Variants in BCL2 observed in about 807,000 individuals in gnomAD.
BCL2 encodes apoptosis regulator Bcl-2.
Under a neutral mutation model 14.2 loss-of-function variants are expected in BCL2, and 1 was observed. The observed-to-expected ratio is 0.07, with a 90% CI of 0.02 to 0.33. The LOEUF (loss-of-function observed/expected upper bound fraction) is 0.33, where lower values mean the gene tolerates loss of function less well. BCL2 is among the 10% of genes least tolerant of loss of function. The probability of loss-of-function intolerance (pLI) is 0.99; values close to 1 mark genes in which losing one functional copy is unlikely to be tolerated. For missense variants in BCL2, 247 were observed against 305.9 expected (o/e 0.81, Z 1.44); for synonymous variants, 151 against 137.2 (o/e 1.10, Z -0.70).
intron 2 of BCL2, among the ~76,000 whole-genome samples, chr18:63,208,967 T>G (rs952420737): frequency 1.3e-5 from 2 of 152,212 alleles, no homozygotes; most frequent in Admixed American, 1.3e-4. Context: ...CTCTGACTGC[T>G]GGACCACAGT....
At chr18:63,134,413 G>A (rs571045887) in intron 2 of BCL2, among the ~76,000 whole-genome samples, 1 of 152,280 alleles carries the variant, frequency 6.6e-6, no homozygotes, top group African/African-American at 2.4e-5. Flanking sequence ...CCATGCAACA[G>A]GCCCCCGGTT....
chr18:63,232,369 T>C (rs1426584484), intron 2 of BCL2, among the ~76,000 whole-genome samples: 1 of 152,108 alleles, frequency 6.6e-6, no homozygotes, highest in East Asian at 1.9e-4. Flanking sequence ...AGGCAATAAA[T>C]AGCCTTGGAG....
At chr18:63,148,489 A>C (rs1914569071) in intron 2 of BCL2, among the ~76,000 whole-genome samples, 1 of 152,236 alleles carries the variant, frequency 6.6e-6, no homozygotes, top group South Asian at 2.1e-4. Flanking sequence ...TTATTTTAAA[A>C]ATTAGCTTAA....
chr18:63,185,000 A>G (rs1470865482), intron 2 of BCL2, among the ~76,000 whole-genome samples: 4 of 152,172 alleles, frequency 2.6e-5, no homozygotes, highest in Non-Finnish European at 5.9e-5. Flanking sequence ...ACAGCTGATA[A>G]TCACTCCTGA....
chr18:63,134,228 T>C (rs1406389354), intron 2 of BCL2, among the ~76,000 whole-genome samples: 1 of 152,240 alleles, frequency 6.6e-6, no homozygotes, highest in African/African-American at 2.4e-5. Context: ...CAAACATGTA[T>C]ATTACTATTT....
chr18:63,197,806 A>G (rs947178165), intron 2 of BCL2, among the ~76,000 whole-genome samples: 2 of 152,204 alleles, frequency 1.3e-5, no homozygotes, highest in Admixed American at 1.3e-4. Context: ...CATGTTAGTC[A>G]GACATTGAGG....
intron 2 of BCL2, among the ~76,000 whole-genome samples, chr18:63,147,511 C>T (rs17070735): frequency 0.014 from 2,190 of 152,088 alleles, 47 homozygotes; most frequent in South Asian, 0.087. Context: ...CGTGACCTGC[C>T]GTAATATAGA....
intron 2 of BCL2, among the ~76,000 whole-genome samples, chr18:63,152,439 T>C (rs1301048304): frequency 2.0e-5 from 3 of 152,228 alleles, no homozygotes; most frequent in African/African-American, 7.2e-5. Context: ...TGAAAGAGTT[T>C]TTTTAAAAAT....
intron 2 of BCL2, among the ~76,000 whole-genome samples, chr18:63,129,021 A>T (rs1487868609): frequency 6.6e-6 from 1 of 152,224 alleles, no homozygotes; most frequent in Non-Finnish European, 1.5e-5. Context: ...AAAAGTTCCT[A>T]CTTCACGAAG....
At chr18:63,220,565 G>A (rs1390769720) in intron 2 of BCL2, among the ~76,000 whole-genome samples, 9 of 152,062 alleles carry the variant, frequency 5.9e-5, no homozygotes, top group Non-Finnish European at 2.9e-5. Context: ...CTCATCCACA[G>A]GAAAACACTT....
chr18:63,271,802 A>G (rs1912010764), intron 2 of BCL2, among the ~76,000 whole-genome samples: 1 of 152,224 alleles, frequency 6.6e-6, no homozygotes, highest in Non-Finnish European at 1.5e-5. Context: ...ACAAGAGCTG[A>G]CCTGGAGGTT....
chr18:63,261,067 AGGT>A (rs1911645124), intron 2 of BCL2, among the ~76,000 whole-genome samples: 1 of 152,230 alleles, frequency 6.6e-6, no homozygotes, highest in Non-Finnish European at 1.5e-5. Context: ...TGATTCATGC[AGGT>A]ACTGCCAGGC....
chr18:63,265,341 T>C (rs986592571), intron 2 of BCL2, among the ~76,000 whole-genome samples: 2 of 152,228 alleles, frequency 1.3e-5, no homozygotes, highest in Admixed American at 6.5e-5. Context: ...CGATTTCCTA[T>C]ATTGTGGTAT....
At position 63,124,275 on chromosome 18, in the gene BCL2, C is replaced by A; in HGVS notation, c.*4350G>T. The A allele has an allele frequency of 4.4e-6, 1 of 226,368 alleles. No individual in the cohort carries two copies. Among genetic ancestry groups the A allele is most frequent in the East Asian group, 6.3e-5 (1 of 15,882 alleles). The allele number at this position is 226,368 out of a possible 1,614,324, so 14.0% of individuals were successfully genotyped here. On this transcript the variant is annotated 3_prime_UTR_variant, in exon 3 of 3. Transcript: ENST00000333681. ...TAATAAACATTTAGAAACAGATGTC[C>A]CTACCAACCAGAAGGTTGTCATTAA...
rs138124682 is a variant in BCL2, at chr18:63,272,600, T to C, written c.585+45482A>G. Among the ~76,000 whole-genome samples, 214 of 152,282 alleles carry C rather than the reference T, an allele frequency of 1.4e-3. 2 individuals carry two copies. The highest frequency in any genetic ancestry group is 4.8e-3 in the African/African-American group (201 of 41,548). ...GGGAGATAATTGGCCAATCAGGTTATCTTTAGCTATATCAACAACAACATT... is the reference window on the plus strand; with the variant it reads ...GGGAGATAATTGGCCAATCAGGTTACCTTTAGCTATATCAACAACAACATT... On this transcript the variant is annotated intron_variant, in intron 2 of 2. Transcript: ENST00000333681.
intron 2 of BCL2, among the ~76,000 whole-genome samples, chr18:63,143,579 G>A (rs12963776): frequency 0.19 from 28,864 of 152,276 alleles, 3,240 homozygotes; most frequent in East Asian, 0.4. Context: ...AGCTTGCAGC[G>A]GCGAGCCTGG....
At chr18:63,295,535 A>G (rs1051249478) in intron 2 of BCL2, among the ~76,000 whole-genome samples, 2 of 152,160 alleles carry the variant, frequency 1.3e-5, no homozygotes, top group Non-Finnish European at 2.9e-5. Context: ...TTAGTGAGGG[A>G]CCCTGTAACT....
chr18:63,177,292 G>A (rs1032563169), intron 2 of BCL2, among the ~76,000 whole-genome samples: 1 of 152,106 alleles, frequency 6.6e-6, no homozygotes, highest in African/African-American at 2.4e-5. Flanking sequence ...TTTTCCTGAG[G>A]ACAGGGGAAG....
chr18:63,222,165 T>C (rs962177238), intron 2 of BCL2, among the ~76,000 whole-genome samples: 1 of 150,120 alleles, frequency 6.7e-6, no homozygotes, highest in Non-Finnish European at 1.5e-5. Flanking sequence ...TCTCAGCTAC[T>C]AGGGAGACTG....
Sources: allele counts gnomAD v4.1 joint callset (sites outside exome capture counted in the v4.1 genomes callset), GRCh38; gene constraint gnomAD v4.1.1; transcripts MANE v1.5; gene names NCBI Gene and HGNC (gene_info 2026-07-23, HGNC 2026-07-21).